Variants in PAM observed in about 807,000 individuals in gnomAD.
PAM encodes peptidyl-glycine alpha-amidating monooxygenase.
Under a neutral mutation model 122.1 loss-of-function variants are expected in PAM, and 72 were observed. The observed-to-expected ratio is 0.59, with a 90% CI of 0.49 to 0.72. PAM has a LOEUF of 0.72. Ranked by LOEUF, PAM falls within the 30% of genes least tolerant of loss-of-function variation. The pLI is 0.00. For missense variants in PAM, 1,106 were observed against 1,183.7 expected (o/e 0.93, Z 0.96); for synonymous variants, 389 against 404.4 (o/e 0.96, Z 0.46).
intron 1 of PAM, among the ~76,000 whole-genome samples, chr5:102,804,366 A>T (rs1049844827): frequency 6.6e-6 from 1 of 152,182 alleles, no homozygotes; most frequent in Admixed American, 6.5e-5. Context: ...AAGCCAGAAC[A>T]TTATAAGATG....
intron 6 of PAM, 98 bp from the exon 7 acceptor site, chr5:102,926,487 T>C: frequency 2.8e-6 from 2 of 716,340 alleles, no homozygotes; most frequent in South Asian, 3.2e-5. Context: ...TTATATGTTA[T>C]ATGTTATTTC....
intron 11 of PAM, 73 bp downstream of exon 11, chr5:102,950,051 T>C (rs1167136893): frequency 5.0e-6 from 4 of 803,204 alleles, no homozygotes; most frequent in East Asian, 5.3e-5. Flanking sequence ...AAAATTATTA[T>C]GCAACTCTTG....
At chr5:102,839,026 G>A (rs1347924662) in intron 1 of PAM, among the ~76,000 whole-genome samples, 1 of 152,046 alleles carries the variant, frequency 6.6e-6, no homozygotes, top group Non-Finnish European at 1.5e-5. Flanking sequence ...TTTATTGGGA[G>A]ATATATCATA....
At chr5:102,829,406 C>T (rs1774720803) in intron 1 of PAM, among the ~76,000 whole-genome samples, 1 of 141,780 alleles carries the variant, frequency 7.1e-6, no homozygotes, top group Non-Finnish European at 1.5e-5. Context: ...GAGTCTTGCT[C>T]TGTCACCCAG....
At chr5:102,831,882 CT>C (rs1775572508) in intron 1 of PAM, among the ~76,000 whole-genome samples, 2 of 152,004 alleles carry the variant, frequency 1.3e-5, no homozygotes, top group Non-Finnish European at 2.9e-5. Context: ...TTCTCTCTCT[CT>C]CTCTCTCTCT....
intron 7 of PAM, among the ~76,000 whole-genome samples, chr5:102,936,151 T>G (rs1447314680): frequency 6.6e-6 from 1 of 152,174 alleles, no homozygotes; most frequent in Non-Finnish European, 1.5e-5. Context: ...AGTGTTATTT[T>G]ACTGCTAATT....
chr5:102,861,405 G>A (rs1157470014), intron 1 of PAM, among the ~76,000 whole-genome samples: 1 of 152,152 alleles, frequency 6.6e-6, no homozygotes, highest in African/African-American at 2.4e-5. Context: ...ACCTGAATCT[G>A]GTCCTAATGA....
intron 16 of PAM, among the ~76,000 whole-genome samples, chr5:102,993,638 T>A (rs2150853701): frequency 6.6e-6 from 1 of 152,228 alleles, no homozygotes; most frequent in South Asian, 2.1e-4. Context: ...ATAAAATTAG[T>A]TTGTATAAGT....
At chr5:103,026,719 A>G (rs889256201) in intron 24 of PAM, among the ~76,000 whole-genome samples, 5 of 152,212 alleles carry the variant, frequency 3.3e-5, no homozygotes, top group Non-Finnish European at 7.3e-5. Context: ...GAATGAATGA[A>G]TAAATCAACC....
At chr5:102,973,724 C>A (rs142440090) in intron 14 of PAM, among the ~76,000 whole-genome samples, 6 of 152,252 alleles carry the variant, frequency 3.9e-5, no homozygotes, top group African/African-American at 1.4e-4. Context: ...TTTTAAAGGA[C>A]AACTGCAAAG....
intron 12 of PAM, among the ~76,000 whole-genome samples, chr5:102,954,262 C>A (rs748962511): frequency 2.0e-5 from 3 of 151,844 alleles, no homozygotes; most frequent in Non-Finnish European, 4.4e-5. Flanking sequence ...AAGCAATGTA[C>A]ACTGTACCCA....
chr5:102,887,179 T>C (rs1036623528), intron 3 of PAM, among the ~76,000 whole-genome samples: 1 of 152,032 alleles, frequency 6.6e-6, no homozygotes, highest in Non-Finnish European at 1.5e-5. Flanking sequence ...GATGGGGATG[T>C]TTGGGCCGTG....
intron 16 of PAM, among the ~76,000 whole-genome samples, chr5:102,992,678 A>G (rs1774482520): frequency 6.6e-6 from 1 of 152,110 alleles, no homozygotes; most frequent in Admixed American, 6.6e-5. Context: ...TGTGGAATTT[A>G]TGATGTACAG....
chr5:102,831,113 C>T (rs1353872986), intron 1 of PAM, among the ~76,000 whole-genome samples: 1 of 152,072 alleles, frequency 6.6e-6, no homozygotes, highest in East Asian at 1.9e-4. Context: ...AGTCACGTAG[C>T]TAGTTTGTGG....
chr5:102,805,487 G>A (rs1449909745), intron 1 of PAM, among the ~76,000 whole-genome samples: 1 of 152,164 alleles, frequency 6.6e-6, no homozygotes. Context: ...AATAAAAGAA[G>A]GTGTACTGTT....
intron 1 of PAM, chr5:102,838,725 A>G (rs1033036530): frequency 6.6e-6 from 1 of 152,166 alleles, no homozygotes; most frequent in African/African-American, 2.4e-5. Context: ...CAGTGAGGAG[A>G]AGGCAGAGTT....
intron 15 of PAM, among the ~76,000 whole-genome samples, chr5:102,980,873 A>G (rs1769536988): frequency 6.6e-6 from 1 of 152,218 alleles, no homozygotes; most frequent in South Asian, 2.1e-4. Flanking sequence ...CAATAATGTA[A>G]TATAATTTTT....
intron 1 of PAM, among the ~76,000 whole-genome samples, chr5:102,779,097 A>G (rs1242621170): frequency 6.6e-6 from 1 of 152,082 alleles, no homozygotes; most frequent in Non-Finnish European, 1.5e-5. Context: ...TCTCAACCCT[A>G]TTGGATCCAG....
chr5:102,864,716 C>T (rs527774844), intron 1 of PAM: 6 of 152,206 alleles, frequency 3.9e-5, no homozygotes, highest in Non-Finnish European at 8.8e-5. Context: ...TACTGTTACA[C>T]ATCTTCCCAT....
Sources: allele counts gnomAD v4.1 joint callset (sites outside exome capture counted in the v4.1 genomes callset), GRCh38; gene constraint gnomAD v4.1.1; transcripts MANE v1.5; gene names NCBI Gene and HGNC (gene_info 2026-07-23, HGNC 2026-07-21).